IQSEC1: variants seen among roughly 807,000 people sequenced by gnomAD.
The protein encoded by IQSEC1 is IQ motif and SEC7 domain-containing protein 1.
In IQSEC1, 31 loss-of-function variants were observed where a neutral mutation model predicts 91.0. That is an observed-to-expected ratio of 0.34 (90% CI 0.26 to 0.46). IQSEC1 has a LOEUF of 0.46. Among genes scored for constraint, IQSEC1 ranks in the 20% least tolerant of loss-of-function variants. The pLI is 1.00. For missense variants in IQSEC1, 1,388 were observed against 1,575.6 expected, an observed-to-expected ratio of 0.88 and a Z score of 2.02; for synonymous variants, 699 against 662.6, an observed-to-expected ratio of 1.05 and a Z score of -0.84.
Position 12,898,664 on chromosome 3 carries a change from TAG to T in IQSEC1, c.*2317_*2318del, listed in dbSNP as rs1559587691. The stretch of plus-strand genomic sequence containing the variant: ...TCTGGAACAACCTAAAGGTTACAGT[TAG>T]ACTCTCCTCCCAGCACAGAAGAGGG... On this transcript the variant is annotated 3_prime_UTR_variant, in exon 14 of 14. Transcript: ENST00000613206. 5 of 152,252 alleles carry T rather than the reference TAG, an allele frequency of 3.3e-5. No individual in the cohort carries two copies. The highest frequency in any genetic ancestry group is 3.3e-4 in the Admixed American group (5 of 15,290). The allele number at this position is 152,252 out of a possible 1,614,324, so 9.4% of individuals were successfully genotyped here. A position where few individuals can be genotyped will look rare whatever the true frequency, so the allele number is the denominator to read the frequency against.
At chr3:13,044,920 CG>C (rs1576209487) in intron 1 of IQSEC1, among the ~76,000 whole-genome samples, 1 of 152,234 alleles carries the variant, frequency 6.6e-6, no homozygotes, top group East Asian at 1.9e-4. Context: ...CTGGTAGCAG[CG>C]GGGGCCCTGG....
chr3:13,002,015 G>C (rs1702443629), intron 1 of IQSEC1, among the ~76,000 whole-genome samples: 1 of 152,160 alleles, frequency 6.6e-6, no homozygotes, highest in African/African-American at 2.4e-5. Context: ...AGAGGTTGCA[G>C]TGAGCTGAGA....
chr3:13,242,642 T>C (rs1406340974), intron 1 of IQSEC1, among the ~76,000 whole-genome samples: 1 of 152,162 alleles, frequency 6.6e-6, no homozygotes. Flanking sequence ...GTGGGCGACA[T>C]GGGCCTGGTG....
chr3:13,217,667 C>CTA lies in IQSEC1; in HGVS notation c.273-53536_273-53535dup, dbSNP rs777488959. Among the ~76,000 whole-genome samples the CTA allele has an allele frequency of 1.8e-4, 28 of 152,306 alleles. 3 individuals are homozygous for CTA. The highest frequency in any genetic ancestry group is 8.5e-4 in the Admixed American group (13 of 15,294). On this transcript the variant is annotated intron_variant, in intron 1 of 15. Transcript: ENST00000648114. Reference sequence around the variant, plus strand: ...CCATCTCCAGTTTTGTGCCATGTCCCTATAAACTACTTAGTATTTTCCTTT... The same window carrying CTA: ...CCATCTCCAGTTTTGTGCCATGTCCCTATATAAACTACTTAGTATTTTCCTTT...
chr3:13,236,483 T>C (rs957641145), intron 1 of IQSEC1, among the ~76,000 whole-genome samples: 2 of 152,232 alleles, frequency 1.3e-5, no homozygotes, highest in Non-Finnish European at 1.5e-5. Flanking sequence ...TTCCAGATGG[T>C]CCTAAGGGTG....
chr3:13,075,277 C>G (rs1705545702), upstream of IQSEC1, among the ~76,000 whole-genome samples: 1 of 152,258 alleles, frequency 6.6e-6, no homozygotes, highest in East Asian at 1.9e-4. Context: ...TTCTCAGAAG[C>G]GCCCTACGAA....
intron 1 of IQSEC1, among the ~76,000 whole-genome samples, chr3:12,974,394 G>A (rs540349397): frequency 9.2e-5 from 14 of 152,326 alleles, no homozygotes; most frequent in African/African-American, 3.1e-4. Context: ...TATGCTTGCC[G>A]CATCCCTCAT....
chr3:12,968,970 TG>T (rs1700767316), intron 1 of IQSEC1, among the ~76,000 whole-genome samples: 1 of 152,200 alleles, frequency 6.6e-6, no homozygotes, highest in Non-Finnish European at 1.5e-5. Flanking sequence ...TTAGAGCACC[TG>T]GGTTCCCAGG....
chr3:13,002,073 G>GAAAC (rs759987490), intron 1 of IQSEC1, among the ~76,000 whole-genome samples: 42 of 152,014 alleles, frequency 2.8e-4, no homozygotes, highest in Non-Finnish European at 3.7e-4. Context: ...ACTCCATCTG[G>GAAAC]AAACAAACAA....
At chr3:13,152,812 G>A (rs889581188) in intron 2 of IQSEC1, among the ~76,000 whole-genome samples, 14 of 152,214 alleles carry the variant, frequency 9.2e-5, no homozygotes, top group African/African-American at 2.9e-4. Flanking sequence ...AGAGGTTGCA[G>A]TGAGCCAAGA....
intron 1 of IQSEC1, among the ~76,000 whole-genome samples, chr3:13,172,912 G>T (rs1341185152): frequency 2.0e-5 from 3 of 152,184 alleles, no homozygotes; most frequent in Non-Finnish European, 4.4e-5. Context: ...ATCTCGCAGG[G>T]TGGTTCTCTC....
chr3:13,212,654 C>G (rs1480306323), intron 1 of IQSEC1, among the ~76,000 whole-genome samples: 1 of 152,178 alleles, frequency 6.6e-6, no homozygotes, highest in Non-Finnish European at 1.5e-5. Flanking sequence ...GCTCGTTTCT[C>G]CACGTCCTCA....
At chr3:13,050,832 T>C (rs1704665033) in intron 1 of IQSEC1, among the ~76,000 whole-genome samples, 1 of 152,228 alleles carries the variant, frequency 6.6e-6, no homozygotes, top group African/African-American at 2.4e-5. Context: ...TCAATATACC[T>C]TATATTGTAT....
At chr3:13,004,705 G>A (rs1051036110) in intron 1 of IQSEC1, among the ~76,000 whole-genome samples, 3 of 152,194 alleles carry the variant, frequency 2.0e-5, no homozygotes, top group African/African-American at 7.2e-5. Flanking sequence ...GTAGGTGGGA[G>A]GGAGGGTGGC....
rs2124978791 is a variant in IQSEC1 at position 12,901,163 on chromosome 3, T to C, written c.3165A>G (p.Ala1055=). 1.3e-6 allele frequency: 2 copies of C among 1,543,634 alleles called. No homozygotes were observed. The highest frequency in any genetic ancestry group is 1.7e-6 in the Non-Finnish European group (2 of 1,144,546). ...HHHPPQHIQH[A]HQYHHGPHGG... ...CATGGGGGCCGTGGTGGTACTGGTG[T>C]GCGTGCTGGATGTGCTGGGGTGGGT... The change falls in exon 14 of 14, where the codon GCA becomes GCG. Residue 1055 remains alanine, a synonymous_variant. Transcript: ENST00000613206.
At chr3:13,021,956 G>A in intron 1 of IQSEC1, 1 of 1,003,124 alleles carries the variant, frequency 1.0e-6, no homozygotes, top group African/African-American at 1.7e-5. Context: ...CTCCTTCCTG[G>A]ACCCTGTACA....
chr3:13,115,357 TG>T (rs1363318970), intron 2 of IQSEC1, among the ~76,000 whole-genome samples: 2 of 152,214 alleles, frequency 1.3e-5, no homozygotes, highest in Non-Finnish European at 2.9e-5. Flanking sequence ...GATGAGGGCC[TG>T]GCCAGAAGTG....
At chr3:13,275,127 C>T (rs1305170930) in intron 1 of IQSEC1, among the ~76,000 whole-genome samples, 1 of 152,220 alleles carries the variant, frequency 6.6e-6, no homozygotes, top group Non-Finnish European at 1.5e-5. Context: ...GGGATGAGGA[C>T]AGTTCACACT....
intron 1 of IQSEC1, among the ~76,000 whole-genome samples, chr3:13,242,077 A>G (rs1224950430): frequency 2.0e-5 from 3 of 152,198 alleles, no homozygotes. Flanking sequence ...CCACCCACAC[A>G]GGGCAAAGGG....
Sources: allele counts gnomAD v4.1 joint callset (sites outside exome capture counted in the v4.1 genomes callset), GRCh38; gene constraint gnomAD v4.1.1; transcripts MANE v1.5; gene names NCBI Gene and HGNC (gene_info 2026-07-23, HGNC 2026-07-21).